UBN1: variants seen among roughly 807,000 people sequenced by gnomAD.
The protein encoded by UBN1 is ubinuclein 1.
A neutral mutation model predicts 108.5 loss-of-function variants in UBN1; 17 were observed. The observed-to-expected ratio is 0.16, with a 90% confidence interval of 0.11 to 0.24. The LOEUF (loss-of-function observed/expected upper bound fraction) is 0.24. UBN1 is among the 10% of genes least tolerant of loss of function. The pLI is 1.00. For missense variants in UBN1, 1,595 were observed against 1,394.4 expected (o/e 1.14, Z -2.29); for synonymous variants, 726 against 564.2 (o/e 1.29, Z -4.07).
rs985955061 is a variant in UBN1, at chr16:4,847,568, C to G, written c.-682C>G. ...CGGCGACGGTGCGACCGGCTGAGCG[C>G]GAGAGGGAGCCGGCCTCGCGGCTCG... On this transcript the variant is annotated 5_prime_UTR_variant, in exon 1 of 18. Transcript: ENST00000262376. 19 of 401,736 alleles carry G rather than the reference C, an allele frequency of 4.7e-5. No individual in the cohort carries two copies. In the South Asian group the frequency reaches 6.2e-4, roughly 13 times the overall value. 24.9% of individuals were successfully genotyped at this position (401,736 alleles called of 1,614,324 possible).
At chr16:4,860,600 G>A in intron 6 of UBN1, 64 bp from the exon 7 acceptor site, 3 of 1,495,758 alleles carry the variant, frequency 2.0e-6, no homozygotes, top group Non-Finnish European at 2.7e-6. Context: ...AGGGGTGAAG[G>A]CCTCTGGAGT....
intron 6 of UBN1, among the ~76,000 whole-genome samples, chr16:4,860,218 G>A (rs1186820762): frequency 6.6e-6 from 1 of 152,108 alleles, no homozygotes; most frequent in Admixed American, 6.5e-5. Flanking sequence ...CGTCCTCTGG[G>A]GTGCTCCTCT....
chr16:4,861,197 T>C (rs2087044372), intron 7 of UBN1, 95 bp downstream of exon 7: 1 of 1,349,512 alleles, frequency 7.4e-7, no homozygotes, highest in Non-Finnish European at 9.9e-7. Flanking sequence ...GAGAAACTCT[T>C]AGTGAGTTGG....
At chr16:4,853,845 A>G (rs2086669457) in intron 2 of UBN1, among the ~76,000 whole-genome samples, 1 of 152,038 alleles carries the variant, frequency 6.6e-6, no homozygotes, top group Non-Finnish European at 1.5e-5. Flanking sequence ...TACAAACATG[A>G]GCCACTGCAC....
At position 4,858,055 on chromosome 16, in the gene UBN1, C is replaced by G. The variant is rs2086893183; in HGVS notation, c.315C>G (p.Ala105=). Residue 105 remains alanine, a synonymous_variant, in exon 3 of 18, where the codon GCC becomes GCG. Transcript: ENST00000262376. ...EKERHKVEAL[A]RKFEEKYGGK... ...AAAGGCATAAAGTAGAGGCCCTTGC[C>G]CGAAAATTTGAAGAAAAATACGTAA... The G allele has an allele frequency of 1.2e-6, 2 of 1,612,746 alleles. No homozygotes were observed. Among genetic ancestry groups the G allele is most frequent in the South Asian group, 1.1e-5 (1 of 90,998 alleles).
Position 4,874,557 on chromosome 16 carries a change from G to C in UBN1, c.2147G>C (p.Arg716Thr). The C allele has an allele frequency of 6.2e-7, 1 of 1,614,146 alleles. No homozygotes were observed. The highest frequency in any genetic ancestry group is 8.5e-7 in the Non-Finnish European group (1 of 1,179,986). ...GGCGTTTTATGTACAGAAGAAAAAA[G>C]GAACTTTGCGAAGCCTAGTCCTTCT... The part of the protein sequence containing the change: ...VGGVLCTEEK[R>T]NFAKPSPSAP... Residue 716 changes from arginine to threonine, a missense_variant, in exon 15 of 18, where the codon AGG (arginine) becomes ACG (threonine). By Grantham distance (71) the Arg-to-Thr change is moderately conservative. Coordinates refer to ENST00000262376, the MANE Select transcript of UBN1 (RefSeq NM_001079514.3).
chr16:4,853,297 C>G (rs2086640627), intron 2 of UBN1, 131 bp downstream of exon 2: 2 of 1,261,874 alleles, frequency 1.6e-6, no homozygotes, highest in African/African-American at 1.5e-5. Flanking sequence ...GTCACTCACT[C>G]AAGGCAAGCA....
intron 2 of UBN1, among the ~76,000 whole-genome samples, chr16:4,856,071 C>A (rs2086794044): frequency 6.6e-6 from 1 of 152,170 alleles, no homozygotes; most frequent in Admixed American, 6.5e-5. Context: ...ATTTCAAATC[C>A]CTTTATAATT....
chr16:4,876,853 GC>G lies in UBN1; in HGVS notation c.3025-17del, dbSNP rs2087909876. The G allele has an allele frequency of 1.3e-6, 2 of 1,564,866 alleles. No individual in the cohort carries two copies. The highest frequency in any genetic ancestry group is 2.7e-5 in the African/African-American group (2 of 73,518). ...AACAGGACTGGAGTTCTTACCGCTT[GC>G]TGTGTTTCTTCCCTAGAAAGGAGCG... On this transcript the variant is annotated splice_polypyrimidine_tract_variant and intron_variant, in intron 15 of 17. Coordinates refer to ENST00000262376, the MANE Select transcript of UBN1 (RefSeq NM_001079514.3).
At chr16:4,868,515 T>C (rs1015931366) in intron 7 of UBN1, among the ~76,000 whole-genome samples, 2 of 152,288 alleles carry the variant, frequency 1.3e-5, no homozygotes, top group African/African-American at 4.8e-5. Context: ...TAGTTGATGG[T>C]GTATGGGTGC....
In UBN1 at chr16:4,847,651, C is replaced by A; in HGVS notation, c.-599C>A. 4.5e-6 allele frequency: 1 copy of A among 223,512 alleles called. No individual in the cohort carries two copies. Among genetic ancestry groups the A allele is most frequent in the Non-Finnish European group, 8.8e-6 (1 of 114,202 alleles). 13.8% of individuals were successfully genotyped at this position (223,512 alleles called of 1,614,324 possible). ...CCCCTCTCGGCGCTTCCGTTACGCC[C>A]GTTGGTCCGGCGCGGGCCCCGGGGC... On this transcript the variant is annotated 5_prime_UTR_variant, in exon 1 of 18. Coordinates refer to ENST00000262376, the MANE Select transcript of UBN1 (RefSeq NM_001079514.3).
chr16:4,857,563 C>T (rs1418425499), intron 2 of UBN1, among the ~76,000 whole-genome samples: 1 of 151,912 alleles, frequency 6.6e-6, no homozygotes, highest in Non-Finnish European at 1.5e-5. Flanking sequence ...ACTTGCACCA[C>T]ATTCAGTGGG....
chr16:4,859,309 AC>A, intron 5 of UBN1, 150 bp downstream of exon 5: 1 of 1,121,638 alleles, frequency 8.9e-7, no homozygotes, highest in Non-Finnish European at 1.3e-6. Context: ...CTCGCCTCTT[AC>A]ACGTGTGCCC....
At chr16:4,858,761 C>T in intron 4 of UBN1, 98 bp downstream of exon 4, 4 of 1,205,864 alleles carry the variant, frequency 3.3e-6, no homozygotes, top group Non-Finnish European at 3.6e-6. Flanking sequence ...GCAGTCGTGC[C>T]CTCTTCCCAG....
In UBN1 at chr16:4,859,163, A is replaced by G. The variant is rs532374916; in HGVS notation, c.567+4A>G. 1.2e-6 allele frequency: 2 copies of G among 1,611,186 alleles called. No homozygotes were observed. The highest frequency in any genetic ancestry group is 2.2e-5 in the East Asian group (1 of 44,878). ...AAAGAAGAAAAAATCTCCAAAGGTT[A>G]GAATGTGCTTGCTTTTGGATTTCAG... On this transcript the variant is annotated splice_donor_region_variant and intron_variant, in intron 5 of 17. Coordinates refer to ENST00000262376, the MANE Select transcript of UBN1 (RefSeq NM_001079514.3).
chr16:4,865,819 G>T (rs188737694), intron 7 of UBN1, among the ~76,000 whole-genome samples: 4 of 151,936 alleles, frequency 2.6e-5, no homozygotes, highest in African/African-American at 4.8e-5. Flanking sequence ...AAAATTAGCC[G>T]AACATGGGGG....
At chr16:4,849,472 G>T (rs2142093828) in intron 1 of UBN1, among the ~76,000 whole-genome samples, 1 of 150,638 alleles carries the variant, frequency 6.6e-6, no homozygotes, top group African/African-American at 2.5e-5. Context: ...ATGTTTAGAA[G>T]GAGATATATA....
chr16:4,860,032 C>A, intron 6 of UBN1, 64 bp downstream of exon 6: 1 of 1,593,476 alleles, frequency 6.3e-7, no homozygotes, highest in Non-Finnish European at 8.6e-7. Context: ...CGACTGGGAG[C>A]TGACTCACCT....
intron 9 of UBN1, 63 bp from the exon 10 acceptor site, chr16:4,870,453 C>G (rs2087571750): frequency 3.7e-6 from 6 of 1,611,160 alleles, no homozygotes; most frequent in African/African-American, 1.3e-5. Context: ...ATCACCCCAT[C>G]ATGCGTCCTG....
Sources: allele counts gnomAD v4.1 joint callset (sites outside exome capture counted in the v4.1 genomes callset), GRCh38; gene constraint gnomAD v4.1.1; transcripts MANE v1.5; gene names NCBI Gene and HGNC (gene_info 2026-07-23, HGNC 2026-07-21).